The following ATG4B variants were observed in gnomAD, a reference collection of about 807,000 sequenced individuals.
The protein encoded by ATG4B is autophagy related 4B cysteine peptidase, also known as cysteine protease ATG4B.
A neutral mutation model predicts 56.6 loss-of-function variants in ATG4B; 29 were observed. That is an observed-to-expected ratio of 0.51 (90% confidence interval 0.38 to 0.70). ATG4B has a LOEUF of 0.70. Ranked by LOEUF, ATG4B falls within the 30% of genes least tolerant of loss-of-function variation. The pLI, the probability that ATG4B is intolerant of heterozygous loss-of-function variation, is 0.00. For missense variants in ATG4B, 461 were observed against 515.5 expected, an observed-to-expected ratio of 0.89 and a Z score of 1.02; for synonymous variants, 224 against 206.1, an observed-to-expected ratio of 1.09 and a Z score of -0.74.
At chr2:241,643,018 G>C (rs992103149) in intron 1 of ATG4B, among the ~76,000 whole-genome samples, 9 of 151,380 alleles carry the variant, frequency 5.9e-5, no homozygotes, top group African/African-American at 2.2e-4. Context: ...GAGTAGCTGG[G>C]ATTACAGGTG....
intron 1 of ATG4B, among the ~76,000 whole-genome samples, chr2:241,648,337 C>T (rs1023846016): frequency 2.6e-5 from 4 of 152,008 alleles, no homozygotes; most frequent in African/African-American, 9.7e-5. Context: ...TGGCTCATGC[C>T]TGTAATCCCA....
chr2:241,658,045 C>T (rs895917621), intron 6 of ATG4B, among the ~76,000 whole-genome samples: 3 of 152,218 alleles, frequency 2.0e-5, no homozygotes, highest in Non-Finnish European at 2.9e-5. Context: ...CCTGTGGCTA[C>T]GTTAGTAGTG....
intron 1 of ATG4B, among the ~76,000 whole-genome samples, chr2:241,644,480 A>G (rs1051298607): frequency 5.3e-5 from 8 of 152,276 alleles, no homozygotes; most frequent in African/African-American, 1.9e-4. Context: ...GCCCCATTTC[A>G]TGGGTGAGGA....
intron 10 of ATG4B, 71 bp from the exon 11 acceptor site, chr2:241,670,655 A>T: frequency 7.2e-7 from 1 of 1,382,906 alleles, no homozygotes; most frequent in Non-Finnish European, 1.0e-6. Context: ...GGCAGTGGGA[A>T]TGGAAGCCCC....
At chr2:241,640,736 C>T (rs984268230) in intron 1 of ATG4B, among the ~76,000 whole-genome samples, 1 of 151,984 alleles carries the variant, frequency 6.6e-6, no homozygotes. Flanking sequence ...AGACTTAAAG[C>T]AGTGTAGGAG....
Position 241,672,629 on chromosome 2 carries a change from A to C in ATG4B, c.*365A>C. On this transcript the variant is annotated 3_prime_UTR_variant, in exon 13 of 13. Coordinates refer to ENST00000404914, the MANE Select transcript of ATG4B (RefSeq NM_013325.5). ...AATTAAAGTCCTGTTTGAAGTTGTC[A>C]GACACAGACATGAATTTCTGGGCGC... 3.7e-6 allele frequency: 1 copy of C among 269,268 alleles called. No homozygotes were observed. Among genetic ancestry groups the C allele is most frequent in the South Asian group, 4.6e-5 (1 of 21,970 alleles). The allele number at this position is 269,268 out of a possible 1,614,324, so 16.7% of individuals were successfully genotyped here.
At chr2:241,670,597 G>A (rs1457539351) in intron 10 of ATG4B, 129 bp from the exon 11 acceptor site, 1 of 887,538 alleles carries the variant, frequency 1.1e-6, no homozygotes, top group African/African-American at 1.7e-5. Flanking sequence ...AGCCAAGGCA[G>A]GCTGGAATGT....
intron 12 of ATG4B, 46 bp from the exon 13 acceptor site, chr2:241,672,145 G>A: frequency 6.4e-7 from 1 of 1,552,364 alleles, no homozygotes; most frequent in Non-Finnish European, 8.7e-7. Context: ...TCACACCCAG[G>A]TGGCCCACCC....
At chr2:241,653,481 T>C in intron 3 of ATG4B, 31 bp from the exon 4 acceptor site, 5 of 1,557,700 alleles carry the variant, frequency 3.2e-6, no homozygotes, top group Non-Finnish European at 4.3e-6. Context: ...CATCTGGCCA[T>C]GAGCACTTCT....
Position 241,651,457 on chromosome 2 carries a change from G to A in ATG4B, c.184+122G>A. On this transcript the variant is annotated intron_variant, in intron 3 of 12. Transcript: ENST00000404914. This position sits in a 1 kb window ranked among gnomAD's most constrained non-coding sequence, Gnocchi z 4.1. ...TCATTTGAATCTTCACAGCAATCCT[G>A]CTTAACTGAATTGGCCGAGGCCTCA... 1 of 813,630 alleles carries A rather than the reference G, an allele frequency of 1.2e-6. No homozygotes were observed. Among genetic ancestry groups the A allele is most frequent in the Non-Finnish European group, 2.0e-6 (1 of 512,458 alleles). 50.4% of individuals were successfully genotyped at this position (813,630 alleles called of 1,614,324 possible). A position where few individuals can be genotyped will look rare whatever the true frequency, so the allele number is the denominator to read the frequency against.
chr2:241,639,143 C>T (rs771973324), intron 1 of ATG4B, among the ~76,000 whole-genome samples: 6 of 152,164 alleles, frequency 3.9e-5, no homozygotes, highest in African/African-American at 7.2e-5. Context: ...GAGTGAGTGC[C>T]GGGTCCCGCC....
At chr2:241,660,338 T>C (rs1203571204) in intron 7 of ATG4B, among the ~76,000 whole-genome samples, 1 of 152,192 alleles carries the variant, frequency 6.6e-6, no homozygotes, top group Non-Finnish European at 1.5e-5. Flanking sequence ...TCCCTGCCTC[T>C]CCATTCTGTT....
chr2:241,652,272 C>T (rs576160410), intron 3 of ATG4B, among the ~76,000 whole-genome samples: 6 of 152,248 alleles, frequency 3.9e-5, no homozygotes, highest in Non-Finnish European at 7.3e-5. Flanking sequence ...CCGCTTGTTT[C>T]GCAGCTGCGC....
At chr2:241,643,309 ATCT>A (rs1032716846) in intron 1 of ATG4B, among the ~76,000 whole-genome samples, 13 of 149,546 alleles carry the variant, frequency 8.7e-5, no homozygotes, top group African/African-American at 2.2e-4. Flanking sequence ...GGCTCAAGTG[ATCT>A]TCTTGCCTCA....
intron 3 of ATG4B, chr2:241,653,223 T>G: frequency 4.1e-6 from 4 of 982,814 alleles, no homozygotes; most frequent in Non-Finnish European, 6.3e-6. Flanking sequence ...CTGGATGACT[T>G]ACGGGGGTCA....
At chr2:241,665,697 GTAAT>G (rs2068739425) in intron 7 of ATG4B, among the ~76,000 whole-genome samples, 1 of 152,182 alleles carries the variant, frequency 6.6e-6, no homozygotes, top group Non-Finnish European at 1.5e-5. Context: ...TTTTTCCTTT[GTAAT>G]TAATGAATAA....
At chr2:241,653,166 CT>C in intron 3 of ATG4B, 1 of 580,348 alleles carries the variant, frequency 1.7e-6, no homozygotes, top group Non-Finnish European at 3.1e-6. Context: ...GAATTTCTGC[CT>C]TTCTGATAAT....
In ATG4B at chr2:241,672,573, C is replaced by T. The variant is rs546150001; in HGVS notation, c.*309C>T. ...AGCACCTGGGCCTCAGTCCCACTTG[C>T]TCCCAGGCGCCGGTTCTGTGGTTGG... On this transcript the variant is annotated 3_prime_UTR_variant, in exon 13 of 13. Coordinates refer to ENST00000404914, the MANE Select transcript of ATG4B (RefSeq NM_013325.5). The T allele has an allele frequency of 3.6e-4, 144 of 404,288 alleles. No homozygotes were observed. The highest frequency in any genetic ancestry group is 1.8e-3 in the South Asian group (52 of 28,358). 25.0% of individuals were successfully genotyped at this position (404,288 alleles called of 1,614,324 possible).
At chr2:241,643,691 T>C (rs1472789569) in intron 1 of ATG4B, among the ~76,000 whole-genome samples, 1 of 104,202 alleles carries the variant, frequency 9.6e-6, no homozygotes, top group Non-Finnish European at 1.7e-5. Flanking sequence ...TATGTATATA[T>C]TTTCCCCCCC....
Sources: gnomAD v4.1 joint callset for allele counts (sites outside exome capture counted in the v4.1 genomes callset) on GRCh38, gnomAD v4.1.1 for gene constraint, Gnocchi (gnomAD v3.1) non-coding constraint, MANE v1.5 for transcripts, NCBI Gene and HGNC (gene_info 2026-07-23, HGNC 2026-07-21) for gene names.